The following RBFOX3 variants were observed in gnomAD, a reference collection of about 807,000 sequenced individuals.
RBFOX3 encodes the protein RNA binding protein fox-1 homolog 3.
Under a neutral mutation model 48.7 loss-of-function variants are expected in RBFOX3, and 17 were observed. The observed-to-expected ratio is 0.35, with a 90% CI of 0.24 to 0.52. RBFOX3 has a LOEUF of 0.52. Among genes scored for constraint, RBFOX3 ranks in the 20% least tolerant of loss-of-function variants. The probability of loss-of-function intolerance (pLI) is 0.94; values close to 1 mark genes in which losing one functional copy is unlikely to be tolerated. For missense variants in RBFOX3, 382 were observed against 497.5 expected (o/e 0.77, Z 2.21); for synonymous variants, 212 against 209.5 (o/e 1.01, Z -0.10).
At chr17:79,553,315 A>G (rs1451465331) in intron 1 of RBFOX3, among the ~76,000 whole-genome samples, 5 of 152,238 alleles carry the variant, frequency 3.3e-5, no homozygotes, top group Non-Finnish European at 7.3e-5. Flanking sequence ...TTGCTAGAAT[A>G]AACTCCAAGT....
intron 1 of RBFOX3, among the ~76,000 whole-genome samples, chr17:79,494,200 A>T (rs1407405353): frequency 6.6e-6 from 1 of 152,132 alleles, no homozygotes; most frequent in Non-Finnish European, 1.5e-5. Flanking sequence ...ACAAACATCA[A>T]CAGGCTGAGG....
At chr17:79,139,014 G>A (rs112379127) in intron 4 of RBFOX3, among the ~76,000 whole-genome samples, 10,493 of 116,450 alleles carry the variant, frequency 0.09, 520 homozygotes, top group South Asian at 0.23. Flanking sequence ...CAGCACATGC[G>A]TTCATGCCCT....
Position 79,506,343 on chromosome 17 carries a change from G to A in RBFOX3, c.-319-23745C>T, listed in dbSNP as rs1037834619. On this transcript the variant is annotated intron_variant, in intron 1 of 14. Transcript: ENST00000693108. ...TTCTTGAGAAGCAGCAAAGGTACAC[G>A]GACTCGGCTCATCCTTGGCTCCCAC... Among the ~76,000 whole-genome samples, 13 of 152,300 alleles carry A rather than the reference G, an allele frequency of 8.5e-5. No homozygotes were observed. In the Middle Eastern group the frequency reaches 0.01, roughly 120 times the overall value.
At chr17:79,620,423 ACG>A in the RBFOX3 span, among the ~76,000 whole-genome samples, 2 of 148,372 alleles carry the variant, frequency 1.3e-5, no homozygotes, top group Admixed American at 6.7e-5. Context: ...ACATGCACAC[ACG>A]CACGTGCACA....
In RBFOX3 at chr17:79,112,907, G is replaced by GGC. The variant is rs1483833899; in HGVS notation, c.222+2586_222+2587insGC. Among the ~76,000 whole-genome samples, 137 of 71,422 alleles carry GGC rather than the reference G, an allele frequency of 1.9e-3. 4 individuals are homozygous for GGC. The highest frequency in any genetic ancestry group is 0.015 in the Middle Eastern group (2 of 134). The allele number at this position is 71,422 out of a possible 152,430, so 46.9% of individuals were successfully genotyped here. ...GCCAACCTGGGCAGCAGGCTCTCGG[G>GGC]GGGGGGGTGGGCTGGGTAGGACTTC... On this transcript the variant is annotated intron_variant, in intron 5 of 14. Coordinates refer to ENST00000693108, the MANE Select transcript of RBFOX3 (RefSeq NM_001350451.2).
At chr17:79,656,871 G>GGGAAGGAA in the RBFOX3 span, among the ~76,000 whole-genome samples, 1 of 59,726 alleles carries the variant, frequency 1.7e-5, no homozygotes, top group Non-Finnish European at 3.6e-5. Context: ...GAGGGAGGGA[G>GGGAAGGAA]GGAAGGAAGG....
At chr17:79,109,163 G>A (rs570237032) in intron 5 of RBFOX3, among the ~76,000 whole-genome samples, 1 of 152,334 alleles carries the variant, frequency 6.6e-6, no homozygotes, top group South Asian at 2.1e-4. Context: ...CCCAAGAGGT[G>A]GAAAATGGTC....
intron 4 of RBFOX3, among the ~76,000 whole-genome samples, chr17:79,150,903 C>T (rs7503258): frequency 0.64 from 97,687 of 151,830 alleles, 31,784 homozygotes; most frequent in Non-Finnish European, 0.69. Flanking sequence ...TCATGCCTAG[C>T]GCCGCCTGCG....
chr17:79,413,379 C>A (rs997518759), intron 2 of RBFOX3, among the ~76,000 whole-genome samples: 3 of 152,246 alleles, frequency 2.0e-5, no homozygotes, highest in African/African-American at 7.2e-5. Context: ...CCTTCCAGAA[C>A]CTGCTGCATC....
chr17:79,377,249 C>T (rs4523953), intron 2 of RBFOX3, among the ~76,000 whole-genome samples: 36,270 of 152,004 alleles, frequency 0.24, 5,542 homozygotes, highest in East Asian at 0.63. Context: ...GATGCAGAGA[C>T]GTGGACCACA....
At chr17:79,277,723 T>G (rs147683696) in intron 3 of RBFOX3, among the ~76,000 whole-genome samples, 7 of 152,216 alleles carry the variant, frequency 4.6e-5, no homozygotes, top group African/African-American at 1.7e-4. Context: ...GAAGGAGGGT[T>G]GGCTGTAGTG....
At chr17:79,413,235 A>G (rs940011909) in intron 2 of RBFOX3, among the ~76,000 whole-genome samples, 9 of 152,156 alleles carry the variant, frequency 5.9e-5, no homozygotes, top group Admixed American at 5.2e-4. Flanking sequence ...TGCAGTGCCC[A>G]TTTCTGTGCC....
chr17:79,621,500 G>A, the RBFOX3 span, among the ~76,000 whole-genome samples: 42,749 of 152,038 alleles, frequency 0.28, 6,607 homozygotes, highest in East Asian at 0.4. Context: ...TCTACCAACA[G>A]GCAGAAGTGA....
At chr17:79,105,746 G>A (rs2077236444) in intron 6 of RBFOX3, among the ~76,000 whole-genome samples, 1 of 152,174 alleles carries the variant, frequency 6.6e-6, no homozygotes, top group Non-Finnish European at 1.5e-5. Context: ...AGGAGCCAGA[G>A]GCTGTCTACC....
intron 4 of RBFOX3, among the ~76,000 whole-genome samples, chr17:79,152,712 C>T (rs1303033192): frequency 6.6e-6 from 1 of 152,174 alleles, no homozygotes; most frequent in African/African-American, 2.4e-5. Flanking sequence ...GCAGGGCAGA[C>T]ACAGCTGTGG....
chr17:79,463,958 CA>C (rs1366338101), intron 2 of RBFOX3, among the ~76,000 whole-genome samples: 10 of 151,490 alleles, frequency 6.6e-5, no homozygotes, highest in Non-Finnish European at 1.3e-4. Context: ...CTGCCACCTC[CA>C]CCACCATCGC....
chr17:79,140,501 A>G (rs2041706536), intron 4 of RBFOX3, among the ~76,000 whole-genome samples: 1 of 152,218 alleles, frequency 6.6e-6, no homozygotes, highest in South Asian at 2.1e-4. Context: ...TGGCACCGGC[A>G]CCCACATTAG....
At chr17:79,130,292 G>C (rs1043154155) in intron 4 of RBFOX3, among the ~76,000 whole-genome samples, 8 of 152,304 alleles carry the variant, frequency 5.3e-5, no homozygotes, top group Non-Finnish European at 1.0e-4. Context: ...GCCCAGGGCA[G>C]ATCAAGAGCC....
At chr17:79,429,932 T>C (rs1252234584) in intron 2 of RBFOX3, among the ~76,000 whole-genome samples, 1 of 152,160 alleles carries the variant, frequency 6.6e-6, no homozygotes, top group African/African-American at 2.4e-5. Flanking sequence ...CTGGGAGTCC[T>C]TGACCTCTGC....
Sources: gnomAD v4.1 joint callset for allele counts (sites outside exome capture counted in the v4.1 genomes callset) on GRCh38, gnomAD v4.1.1 for gene constraint, MANE v1.5 for transcripts, NCBI Gene and HGNC (gene_info 2026-07-23, HGNC 2026-07-21) for gene names.